Variants in DLGAP2 observed in about 807,000 individuals in gnomAD.
DLGAP2 encodes DLG associated protein 2, also known as disks large-associated protein 2.
Under a neutral mutation model 100.3 loss-of-function variants are expected in DLGAP2, and 26 were observed. That is an observed-to-expected ratio of 0.26 (90% CI 0.19 to 0.36). The LOEUF is 0.36. Among genes scored for constraint, DLGAP2 ranks in the 10% least tolerant of loss-of-function variants. DLGAP2 has a pLI of 1.00. For missense variants in DLGAP2, 1,858 were observed against 1,453.2 expected (o/e 1.28, Z -4.53); for synonymous variants, 886 against 630.1 (o/e 1.41, Z -6.08).
intron 1 of DLGAP2, among the ~76,000 whole-genome samples, chr8:785,469 C>T (rs1459326541): frequency 1.3e-5 from 2 of 149,432 alleles, no homozygotes; most frequent in Non-Finnish European, 3.0e-5. Flanking sequence ...CGGCCTCCCT[C>T]CTCCCCTCAG....
At chr8:1,509,162 C>G (rs1468278102) in intron 4 of DLGAP2, among the ~76,000 whole-genome samples, 3 of 151,810 alleles carry the variant, frequency 2.0e-5, no homozygotes, top group Admixed American at 1.3e-4. Context: ...AAAACCCCGT[C>G]TCTACTAAAA....
rs987196805 is a variant in DLGAP2, at chr8:1,258,873, G to C, written c.96G>C (p.Gly32=). ...CAGAGTCGCAGTGCACGCTCTGCGG[G>C]GAGCCGGAAGGTGAGTACCTGACAT... ...RNTESQCTLC[G]EPEEEEAGDL... The change falls in exon 3 of 15, where the codon GGG becomes GGC. Residue 32 remains glycine (G), a synonymous_variant. Transcript: ENST00000637795. 2 of 1,231,706 alleles carry C rather than the reference G, an allele frequency of 1.6e-6. No individual in the cohort carries two copies. Among genetic ancestry groups the C allele is most frequent in the African/African-American group, 3.1e-5 (2 of 64,422 alleles). The allele number at this position is 1,231,706 out of a possible 1,614,324, so 76.3% of individuals were successfully genotyped here.
chr8:1,067,950 C>T lies in DLGAP2; in HGVS notation c.73+159984C>T, dbSNP rs551896519. Among the ~76,000 whole-genome samples, 152 of 152,204 alleles carry T rather than the reference C, an allele frequency of 1.0e-3. 1 individual carries two copies. The highest frequency in any genetic ancestry group is 3.3e-3 in the African/African-American group (135 of 41,510). On this transcript the variant is annotated intron_variant, in intron 2 of 14. Transcript: ENST00000637795. ...TCTGTCCTAAAAATCCCCTCTGCTC[C>T]GCCCACTCCTCCCTCCCTCCTCATG...
At position 1,303,402 on chromosome 8, in the gene DLGAP2, CAAAAA is replaced by C. The variant is rs374350701; in HGVS notation, c.106+44540_106+44544del. 1.8e-3 allele frequency among the ~76,000 whole-genome samples: 228 copies of C among 125,234 alleles called. 2 individuals are homozygous for C. The highest frequency in any genetic ancestry group is 6.0e-3 in the South Asian group (20 of 3,344). The allele number at this position is 125,234 out of a possible 152,430, so 82.2% of individuals were successfully genotyped here. A position where few individuals can be genotyped will look rare whatever the true frequency, so the allele number is the denominator to read the frequency against. On this transcript the variant is annotated intron_variant, in intron 3 of 14. Coordinates refer to ENST00000637795, the MANE Select transcript of DLGAP2 (RefSeq NM_001346810.2). ...ACAGAGCGAGACTCCGTCTCAAAAACAAAAAAAAAAAAAAAAAAAAAAAAAGGAAG... is the reference window on the plus strand; with the variant it reads ...ACAGAGCGAGACTCCGTCTCAAAAACAAAAAAAAAAAAAAAAAAAAGGAAG...
intron 1 of DLGAP2, among the ~76,000 whole-genome samples, chr8:786,187 C>T (rs1393016456): frequency 6.6e-6 from 1 of 152,212 alleles, no homozygotes; most frequent in African/African-American, 2.4e-5. Flanking sequence ...TGCCCCTCTT[C>T]AGTCTCGGCC....
chr8:766,342 G>T (rs761782327), intron 1 of DLGAP2, among the ~76,000 whole-genome samples: 1 of 152,200 alleles, frequency 6.6e-6, no homozygotes, highest in African/African-American at 2.4e-5. Context: ...CACACCCCTT[G>T]TTGGTCAACC....
chr8:1,480,733 G>A (rs1363758229), intron 3 of DLGAP2, among the ~76,000 whole-genome samples: 4 of 151,920 alleles, frequency 2.6e-5, no homozygotes, highest in Non-Finnish European at 4.4e-5. Context: ...AGGCATGGTG[G>A]TGTATGCCTA....
intron 2 of DLGAP2, among the ~76,000 whole-genome samples, chr8:1,128,051 A>G (rs1435724981): frequency 1.3e-5 from 2 of 152,234 alleles, no homozygotes; most frequent in African/African-American, 4.8e-5. Flanking sequence ...CCACATTTCA[A>G]TACGGTTGTG....
Position 737,668 on chromosome 8 carries a change from C to T in DLGAP2, c.-140C>T. On this transcript the variant is annotated 5_prime_UTR_variant, in exon 1 of 15. Coordinates refer to ENST00000637795, the MANE Select transcript of DLGAP2 (RefSeq NM_001346810.2). Reference sequence around the variant, plus strand: ...CGGGCTCGAGCGCGGTCTGAGCGCGCGGCGCCTGCGGCGGCGAACGGACGG... The same window carrying T: ...CGGGCTCGAGCGCGGTCTGAGCGCGTGGCGCCTGCGGCGGCGAACGGACGG... 2 of 360,552 alleles carry T rather than the reference C, an allele frequency of 5.5e-6. No individual in the cohort carries two copies. The highest frequency in any genetic ancestry group is 4.7e-5 in the Admixed American group (1 of 21,380). The allele number at this position is 360,552 out of a possible 1,614,324, so 22.3% of individuals were successfully genotyped here.
intron 3 of DLGAP2, among the ~76,000 whole-genome samples, chr8:1,483,970 C>T (rs1308811518): frequency 1.3e-5 from 2 of 152,224 alleles, no homozygotes; most frequent in Non-Finnish European, 2.9e-5. Flanking sequence ...TGTTCTTGCC[C>T]ATGGGTTTAG....
At chr8:932,307 C>T (rs1798977819) in intron 2 of DLGAP2, among the ~76,000 whole-genome samples, 1 of 152,190 alleles carries the variant, frequency 6.6e-6, no homozygotes, top group Non-Finnish European at 1.5e-5. Flanking sequence ...GATTTTCACA[C>T]ACTGTGAATA....
chr8:1,617,914 C>T (rs757899596), intron 6 of DLGAP2, among the ~76,000 whole-genome samples: 22 of 152,184 alleles, frequency 1.4e-4, no homozygotes, highest in Non-Finnish European at 2.9e-4. Context: ...TGGTAGGCTT[C>T]AACCCAGTCA....
At chr8:1,355,051 G>C (rs958499348) in intron 3 of DLGAP2, among the ~76,000 whole-genome samples, 3 of 151,874 alleles carry the variant, frequency 2.0e-5, no homozygotes, top group Non-Finnish European at 4.4e-5. Context: ...GGAAAGTCAC[G>C]GATGATGCTG....
intron 3 of DLGAP2, among the ~76,000 whole-genome samples, chr8:1,318,362 A>G (rs868410276): frequency 1.4e-4 from 21 of 151,844 alleles, no homozygotes; most frequent in African/African-American, 4.6e-4. Flanking sequence ...TTTCAAAACC[A>G]TCTTCATATT....
chr8:1,519,667 A>G (rs549881204), intron 4 of DLGAP2, among the ~76,000 whole-genome samples: 6 of 152,322 alleles, frequency 3.9e-5, no homozygotes, highest in Admixed American at 3.3e-4. Context: ...TCCAGACCCC[A>G]GAAGAAAAGT....
chr8:846,732 C>T lies in DLGAP2; in HGVS notation c.19-61180C>T, dbSNP rs552847270. On this transcript the variant is annotated intron_variant, in intron 1 of 14. Coordinates refer to ENST00000637795, the MANE Select transcript of DLGAP2 (RefSeq NM_001346810.2). ...TGATACTGTTTTCCATTCCCACCAG[C>T]AGCACTAGTGTTTTCTTTCCTCCAC... Among the ~76,000 whole-genome samples the T allele has an allele frequency of 2.6e-5, 4 of 152,252 alleles. No individual in the cohort carries two copies. In the East Asian group the frequency reaches 7.7e-4, roughly 29 times the overall value.
chr8:1,633,755 T>TA (rs1797706846), intron 8 of DLGAP2, among the ~76,000 whole-genome samples: 2 of 152,066 alleles, frequency 1.3e-5, no homozygotes, highest in African/African-American at 2.4e-5. Context: ...AAAGGAGCTA[T>TA]AAAAAAACAT....
chr8:940,623 C>CGGGGGAA (rs1221024128), intron 2 of DLGAP2, among the ~76,000 whole-genome samples: 1 of 151,988 alleles, frequency 6.6e-6, no homozygotes, highest in Non-Finnish European at 1.5e-5. Flanking sequence ...GGGACGTTTT[C>CGGGGGAA]GGGGGAAGGG....
At chr8:1,373,504 GC>G (rs532941768) in intron 3 of DLGAP2, among the ~76,000 whole-genome samples, 282 of 152,338 alleles carry the variant, frequency 1.9e-3, no homozygotes, top group African/African-American at 6.0e-3. Context: ...GGACACGTCT[GC>G]CCACAAAGAG....
Sources: allele counts gnomAD v4.1 joint callset (sites outside exome capture counted in the v4.1 genomes callset), GRCh38; gene constraint gnomAD v4.1.1; transcripts MANE v1.5; gene names NCBI Gene and HGNC (gene_info 2026-07-23, HGNC 2026-07-21).